ACSM1: variants seen among roughly 807,000 people sequenced by gnomAD.
ACSM1 encodes acyl-CoA synthetase medium chain family member 1.
A neutral mutation model predicts 75.8 loss-of-function variants in ACSM1; 79 were observed. The observed-to-expected ratio is 1.04, with a 90% CI of 0.87 to 1.26. The LOEUF is 1.26. Ranked by LOEUF, ACSM1 falls within the 50% of genes most tolerant of loss-of-function variation. The pLI is 0.00. For synonymous variants in ACSM1, 279 were observed against 265.8 expected (o/e 1.05, Z -0.48); for missense variants, 676 against 720.1 (o/e 0.94, Z 0.70).
At chr16:20,695,827 A>G (rs2079687091) in intron 1 of ACSM1, among the ~76,000 whole-genome samples, 1 of 152,156 alleles carries the variant, frequency 6.6e-6, no homozygotes, top group Non-Finnish European at 1.5e-5. Flanking sequence ...CTATTTCTGT[A>G]TCTATATACC....
At position 20,640,523 on chromosome 16, in the gene ACSM1, G is replaced by A. The variant is rs565501213; in HGVS notation, c.1054C>T (p.Gln352Ter). 11 of 1,614,032 alleles carry A rather than the reference G, an allele frequency of 6.8e-6. No homozygotes were observed. The highest frequency in any genetic ancestry group is 1.7e-5 in the Admixed American group (1 of 60,008). Reference sequence around the variant, plus strand: ...CCCGTCCGTCTTTTCCACTCCTCCTGATCCTTGGGCAACACGACCTCCCCG... The same window carrying A: ...CCCGTCCGTCTTTTCCACTCCTCCTAATCCTTGGGCAACACGACCTCCCCG... ...TGGEVVLPKD[Q>*]EEWKRRTGLL... is the part of the protein sequence containing the mutation. The change falls in exon 8 of 14, where the codon CAG (glutamine) becomes TAG (stop). Residue 352 changes from glutamine to a stop codon, truncating the protein, a stop_gained. Transcript: ENST00000520010. LOFTEE classifies it high-confidence loss of function.
At chr16:20,640,882 C>T (rs754907748) in intron 7 of ACSM1, among the ~76,000 whole-genome samples, 4 of 152,190 alleles carry the variant, frequency 2.6e-5, no homozygotes, top group Admixed American at 2.6e-4. Context: ...TTTATCAGAA[C>T]TCCTCTTGGG....
chr16:20,624,194 G>A lies in ACSM1; in HGVS notation c.1549C>T (p.Leu517=). ...TCATGGGACAGGAACTGTGGGGTCA[G>A]GACAATAAAGGCCTTCACCACCTGC... ...RGEVVKAFIV[L]TPQFLSHDKD... The change falls in exon 13 of 14, where the codon CTG becomes TTG. Residue 517 remains leucine, a synonymous_variant. Coordinates refer to ENST00000520010, the MANE Select transcript of ACSM1 (RefSeq NM_001318890.3). 1 of 1,611,784 alleles carries A rather than the reference G, an allele frequency of 6.2e-7. No individual in the cohort carries two copies. Among genetic ancestry groups the A allele is most frequent in the Non-Finnish European group, 8.5e-7 (1 of 1,178,518 alleles).
At chr16:20,643,114 A>G (rs1468033050) in intron 7 of ACSM1, among the ~76,000 whole-genome samples, 1 of 152,210 alleles carries the variant, frequency 6.6e-6, no homozygotes, top group East Asian at 1.9e-4. Context: ...GCCCAGAAGT[A>G]CAGGAAAAGT....
chr16:20,682,046 C>G (rs2079456544), intron 4 of ACSM1: 2 of 525,188 alleles, frequency 3.8e-6, no homozygotes, highest in Non-Finnish European at 6.9e-6. Flanking sequence ...GTAAGCTTCC[C>G]CCTGCACAGA....
intron 4 of ACSM1, among the ~76,000 whole-genome samples, chr16:20,672,208 T>C (rs1473909637): frequency 6.6e-6 from 1 of 151,476 alleles, no homozygotes; most frequent in African/African-American, 2.4e-5. Flanking sequence ...ACCAGACTGC[T>C]AAGCTTGTTT....
chr16:20,652,475 A>G (rs538810516), intron 7 of ACSM1, among the ~76,000 whole-genome samples: 85 of 152,198 alleles, frequency 5.6e-4, no homozygotes, highest in Admixed American at 9.8e-4. Flanking sequence ...GATATTTTAT[A>G]TAAGAAAGAA....
chr16:20,691,986 G>C (rs759980320), intron 1 of ACSM1, among the ~76,000 whole-genome samples: 3 of 152,062 alleles, frequency 2.0e-5, no homozygotes, highest in Non-Finnish European at 4.4e-5. Context: ...TCAAGTCCCT[G>C]GTTCAAATTG....
At chr16:20,659,855 C>T (rs1390661127) in intron 7 of ACSM1, among the ~76,000 whole-genome samples, 1 of 152,156 alleles carries the variant, frequency 6.6e-6, no homozygotes, top group Non-Finnish European at 1.5e-5. Context: ...TGAACATTTC[C>T]TTTGATCCCA....
intron 10 of ACSM1, among the ~76,000 whole-genome samples, 172 bp from the exon 11 acceptor site, chr16:20,627,488 C>T (rs1596779508): frequency 6.6e-6 from 1 of 152,146 alleles, no homozygotes; most frequent in East Asian, 1.9e-4. Flanking sequence ...ATGCATGCGA[C>T]TGCTCTATGA....
At chr16:20,650,482 T>C (rs1431412021) in intron 7 of ACSM1, among the ~76,000 whole-genome samples, 1 of 151,906 alleles carries the variant, frequency 6.6e-6, no homozygotes, top group Non-Finnish European at 1.5e-5. Context: ...AGGAAGTGCA[T>C]ATAAAGGCTG....
chr16:20,653,937 G>T (rs1263492330), intron 7 of ACSM1, among the ~76,000 whole-genome samples: 3 of 152,030 alleles, frequency 2.0e-5, no homozygotes, highest in African/African-American at 7.3e-5. Context: ...AAAAGAGCCT[G>T]CATTGTCAAG....
At chr16:20,676,457 T>C (rs2020283168) in intron 4 of ACSM1, among the ~76,000 whole-genome samples, 1 of 152,214 alleles carries the variant, frequency 6.6e-6, no homozygotes, top group South Asian at 2.1e-4. Flanking sequence ...CTAAGGCTGC[T>C]GAAAATCAGT....
chr16:20,669,407 C>T (rs1364043801), intron 6 of ACSM1, among the ~76,000 whole-genome samples: 1 of 150,674 alleles, frequency 6.6e-6, no homozygotes, highest in Non-Finnish European at 1.5e-5. Flanking sequence ...ATTCCAAGGG[C>T]TGTTTTTAAA....
intron 7 of ACSM1, among the ~76,000 whole-genome samples, chr16:20,645,157 T>A (rs944531144): frequency 5.9e-5 from 9 of 152,296 alleles, no homozygotes; most frequent in African/African-American, 1.9e-4. Flanking sequence ...CAGCAGCCCA[T>A]ACCCCTTTCT....
chr16:20,627,869 CATAT>C lies in ACSM1; in HGVS notation c.1300-557_1300-554del, dbSNP rs61366465. Reference sequence around the variant, plus strand: ...CTCTCTCTCTCTCTCTGTATGTATACATATATATATATATATATATATATATATA... The same window carrying C: ...CTCTCTCTCTCTCTCTGTATGTATACATATATATATATATATATATATATA... On this transcript the variant is annotated intron_variant, in intron 10 of 13. Coordinates refer to ENST00000520010, the MANE Select transcript of ACSM1 (RefSeq NM_001318890.3). Among the ~76,000 whole-genome samples, 307 of 77,402 alleles carry C rather than the reference CATAT, an allele frequency of 4.0e-3. 8 individuals are homozygous for C. Among genetic ancestry groups the C allele is most frequent in the East Asian group, 0.016 (25 of 1,530 alleles). 50.8% of individuals were successfully genotyped at this position (77,402 alleles called of 152,430 possible).
At chr16:20,690,410 C>A (rs1365038880) in intron 2 of ACSM1, among the ~76,000 whole-genome samples, 1 of 152,178 alleles carries the variant, frequency 6.6e-6, no homozygotes, top group Non-Finnish European at 1.5e-5. Context: ...AAACACATAA[C>A]CTCTGGAAGA....
rs779671570 is a variant in ACSM1 at position 20,671,624 on chromosome 16, G to A, written c.659C>T (p.Pro220Leu). Reference sequence around the variant, plus strand: ...CCCACTGGTGAAGAAGATGACCATTGGGTCCAAGGTCTTTGACTTAACACA... The same window carrying A: ...CCCACTGGTGAAGAAGATGACCATTAGGTCCAAGGTCTTTGACTTAACACA... ...HTCVKSKTLD[P>L]MVIFFTSGTT... Residue 220 changes from proline to leucine, a missense_variant, in exon 5 of 14, where the codon CCA becomes CTA. Pro to Leu is a moderately conservative substitution (Grantham distance 98). Transcript: ENST00000520010. 1 of 1,613,384 alleles carries A rather than the reference G, an allele frequency of 6.2e-7. No individual in the cohort carries two copies. Among genetic ancestry groups the A allele is most frequent in the Non-Finnish European group, 8.5e-7 (1 of 1,179,676 alleles).
At chr16:20,688,817 T>C (rs1254193585) in intron 2 of ACSM1, among the ~76,000 whole-genome samples, 7 of 151,860 alleles carry the variant, frequency 4.6e-5, no homozygotes, top group Non-Finnish European at 8.8e-5. Flanking sequence ...AACTCAAATA[T>C]GAAAATGTAA....
Sources: gnomAD v4.1 joint callset for allele counts (sites outside exome capture counted in the v4.1 genomes callset) on GRCh38, gnomAD v4.1.1 for gene constraint, MANE v1.5 for transcripts, NCBI Gene and HGNC (gene_info 2026-07-23, HGNC 2026-07-21) for gene names.